Variants in ABLIM1 observed in about 807,000 individuals in gnomAD.
The protein encoded by ABLIM1 is actin-binding LIM protein 1.
In ABLIM1, 40 loss-of-function variants were observed where a neutral mutation model predicts 107.0. The observed-to-expected ratio is 0.37, with a 90% confidence interval of 0.29 to 0.49. The LOEUF (loss-of-function observed/expected upper bound fraction) is 0.49. Among genes scored for constraint, ABLIM1 ranks in the 20% least tolerant of loss-of-function variants. ABLIM1 has a pLI of 0.97. For missense variants in ABLIM1, 857 were observed against 1,008.5 expected, an observed-to-expected ratio of 0.85 and a Z score of 2.04; for synonymous variants, 357 against 357.3, an observed-to-expected ratio of 1.00 and a Z score of 0.01.
rs191768497 is a variant in ABLIM1 at position 114,658,184 on chromosome 10, C to T, written c.17G>A (p.Gly6Asp). The part of the protein sequence containing the change: MPAFL[G>D]LKCLGKLCSS... ...GCACAATTTCCCCAGACACTTTAGA[C>T]CAAGGAAGGCAGGCATCTTGGCATG... The change falls in exon 1 of 23, where the codon GGT (glycine) becomes GAT (aspartate). Residue 6 changes from glycine (G) to aspartate (D), a missense_variant. Around this residue, in one of 5 missense-constraint regions of ABLIM1, gnomAD observed 176 missense variants for 173.5 expected, o/e 1.01. Transcript: ENST00000533213. 6.2e-7 allele frequency: 1 copy of T among 1,606,172 alleles called. No individual in the cohort carries two copies. The highest frequency in any genetic ancestry group is 8.5e-7 in the Non-Finnish European group (1 of 1,173,788).
intron 2 of ABLIM1, among the ~76,000 whole-genome samples, chr10:114,590,089 G>A (rs1209858128): frequency 6.6e-6 from 1 of 152,094 alleles, no homozygotes; most frequent in Non-Finnish European, 1.5e-5. Context: ...TTACCATTGG[G>A]TTACAATTGC....
At chr10:114,569,560 T>C (rs919692724) in intron 4 of ABLIM1, among the ~76,000 whole-genome samples, 1 of 152,170 alleles carries the variant, frequency 6.6e-6, no homozygotes, top group Non-Finnish European at 1.5e-5. Flanking sequence ...CCTCGTGATC[T>C]GCCCGTCTCA....
chr10:114,690,350 G>A, intron 1 of ABLIM1: 1 of 1,604,916 alleles, frequency 6.2e-7, no homozygotes, highest in Admixed American at 1.7e-5. Context: ...CCATGGACAA[G>A]ATGCCAGGAC....
chr10:114,620,763 A>T (rs765389893), intron 1 of ABLIM1, among the ~76,000 whole-genome samples: 7 of 152,232 alleles, frequency 4.6e-5, no homozygotes, highest in Middle Eastern at 3.2e-3. Context: ...ATATTTAAAC[A>T]TCTGGAGATT....
chr10:114,636,056 A>G (rs1306978485), intron 1 of ABLIM1, among the ~76,000 whole-genome samples: 1 of 152,222 alleles, frequency 6.6e-6, no homozygotes, highest in Non-Finnish European at 1.5e-5. Context: ...GAGGAGATAT[A>G]TGCACACACA....
chr10:114,699,661 A>G (rs966131319), intron 1 of ABLIM1, among the ~76,000 whole-genome samples: 3 of 152,200 alleles, frequency 2.0e-5, no homozygotes, highest in African/African-American at 7.2e-5. Context: ...TCAATGGTAG[A>G]TTTAAAACTA....
At chr10:114,596,238 G>T (rs1314562423) in intron 2 of ABLIM1, among the ~76,000 whole-genome samples, 1 of 152,094 alleles carries the variant, frequency 6.6e-6, no homozygotes, top group Admixed American at 6.5e-5. Flanking sequence ...GGCCCTCCTG[G>T]CCTGCATGCT....
chr10:114,610,860 T>C (rs939274232), intron 1 of ABLIM1: 2 of 152,174 alleles, frequency 1.3e-5, no homozygotes, highest in Non-Finnish European at 2.9e-5. Context: ...CCAGTTAAGA[T>C]ACCCTGATAC....
At chr10:114,623,970 A>G (rs1379277849) in intron 1 of ABLIM1, among the ~76,000 whole-genome samples, 1 of 152,200 alleles carries the variant, frequency 6.6e-6, no homozygotes, top group Non-Finnish European at 1.5e-5. Context: ...ACAATGTTTC[A>G]GAGAAAAGAG....
chr10:114,787,726 C>CTGTGGGGGCGGGGGGTCAGCCCCCGGCCA, the ABLIM1 span, among the ~76,000 whole-genome samples: 1 of 133,430 alleles, frequency 7.5e-6, no homozygotes, highest in Non-Finnish European at 1.7e-5. Flanking sequence ...GCCCCCCGCC[C>CTGTGGGGGCGGGGGGTCAGCCCCCGGCCA]GGCCAGCCGC....
chr10:114,696,784 G>A (rs1368475121), intron 1 of ABLIM1, among the ~76,000 whole-genome samples: 4 of 152,024 alleles, frequency 2.6e-5, no homozygotes, highest in East Asian at 1.9e-4. Context: ...ACCCAGTCTC[G>A]GGTATGTCTT....
intron 5 of ABLIM1, 67 bp from the exon 6 acceptor site, chr10:114,545,165 C>A: frequency 1.4e-6 from 2 of 1,412,246 alleles, no homozygotes; most frequent in Non-Finnish European, 2.0e-6. Context: ...ACCAAAACCA[C>A]ATTTCTCCAA....
chr10:114,730,044 G>A (rs894063301), intron 1 of ABLIM1, among the ~76,000 whole-genome samples: 6 of 152,038 alleles, frequency 3.9e-5, no homozygotes, highest in Admixed American at 6.6e-5. Flanking sequence ...AATTTATTCC[G>A]TAAAAGGAAA....
intron 1 of ABLIM1, 70 bp from the exon 2 acceptor site, chr10:114,602,031 T>G: frequency 6.3e-7 from 1 of 1,592,524 alleles, no homozygotes. Flanking sequence ...TCATGGTATC[T>G]CTGTAATTTT....
At chr10:114,487,924 T>C in intron 8 of ABLIM1, 34 bp downstream of exon 8, 1 of 1,611,880 alleles carries the variant, frequency 6.2e-7, no homozygotes, top group South Asian at 1.1e-5. Flanking sequence ...GGCCTACAAA[T>C]GCAGCTGGCA....
chr10:114,619,101 C>T lies in ABLIM1; in HGVS notation c.245-17140G>A, dbSNP rs1223420912. On this transcript the variant is annotated intron_variant, in intron 1 of 22. Coordinates refer to ENST00000533213, the MANE Select transcript of ABLIM1 (RefSeq NM_002313.7). The surrounding 1 kb of genome is among the most constrained non-coding windows in gnomAD (Gnocchi z 4.1). ...CCTTTCCTGCTGCATGGAAGGCCTG[C>T]TGACAACTCACCTTTTGGACATTCC... 6.6e-6 allele frequency among the ~76,000 whole-genome samples: 1 copy of T among 152,070 alleles called. No homozygotes were observed. The highest frequency in any genetic ancestry group is 2.4e-5 in the African/African-American group (1 of 41,408).
intron 8 of ABLIM1, among the ~76,000 whole-genome samples, chr10:114,479,843 A>C (rs969276811): frequency 6.6e-6 from 1 of 152,240 alleles, no homozygotes; most frequent in Non-Finnish European, 1.5e-5. Context: ...AATTCCAAAC[A>C]TGTTGAATTT....
intron 3 of ABLIM1, among the ~76,000 whole-genome samples, chr10:114,574,444 A>AT (rs1380537595): frequency 2.1e-4 from 31 of 150,424 alleles, no homozygotes; most frequent in African/African-American, 4.2e-4. Context: ...TATTTATTTT[A>AT]TTTTATTTTT....
chr10:114,508,030 A>G (rs916198189), intron 6 of ABLIM1, among the ~76,000 whole-genome samples: 2 of 152,184 alleles, frequency 1.3e-5, no homozygotes, highest in Non-Finnish European at 2.9e-5. Context: ...ATGCTGGGGT[A>G]CCTCTTGGGC....
Sources: gnomAD v4.1 joint callset for allele counts (sites outside exome capture counted in the v4.1 genomes callset) on GRCh38, gnomAD v4.1.1 for gene constraint, gnomAD v4.1.1 regional missense constraint, Gnocchi (gnomAD v3.1) non-coding constraint, MANE v1.5 for transcripts, NCBI Gene and HGNC (gene_info 2026-07-23, HGNC 2026-07-21) for gene names.